ABHD12: variants seen among roughly 807,000 people sequenced by gnomAD.
ABHD12 encodes the protein lysophosphatidylserine lipase ABHD12.
A neutral mutation model predicts 58.3 loss-of-function variants in ABHD12; 43 were observed. The ratio of observed to expected loss-of-function variants is 0.74; its 90% CI spans 0.58 to 0.95. The LOEUF is 0.95. ABHD12 is among the 40% of genes least tolerant of loss of function. The probability of loss-of-function intolerance (pLI) is 0.00; values close to 1 mark genes in which losing one functional copy is unlikely to be tolerated. For missense variants in ABHD12, 539 were observed against 537.2 expected, an observed-to-expected ratio of 1.00 and a Z score of -0.03; for synonymous variants, 219 against 211.2, an observed-to-expected ratio of 1.04 and a Z score of -0.32.
intron 2 of ABHD12, among the ~76,000 whole-genome samples, chr20:25,325,135 G>A (rs1440157986): frequency 6.6e-6 from 1 of 150,420 alleles, no homozygotes; most frequent in Non-Finnish European, 1.5e-5. Context: ...GAGCCCAGGA[G>A]GTCAAGGCTG....
At chr20:25,330,937 A>G (rs1302530926) in intron 2 of ABHD12, among the ~76,000 whole-genome samples, 1 of 152,246 alleles carries the variant, frequency 6.6e-6, no homozygotes, top group Non-Finnish European at 1.5e-5. Context: ...GCAGTTCCTC[A>G]CCAGCAACGG....
intron 1 of ABHD12, among the ~76,000 whole-genome samples, chr20:25,369,858 T>C (rs113517498): frequency 0.022 from 3,160 of 146,884 alleles, 103 homozygotes; most frequent in African/African-American, 0.075. Flanking sequence ...GGCGAGAGGA[T>C]TGCATAAGGC....
chr20:25,317,158 A>C, intron 4 of ABHD12, 80 bp from the exon 5 acceptor site: 4 of 934,458 alleles, frequency 4.3e-6, no homozygotes, highest in Non-Finnish European at 7.0e-6. Context: ...CATACCCCAA[A>C]CCAGGGGGAG....
downstream of ABHD12, chr20:25,295,808 G>T (rs1228589164): frequency 1.0e-6 from 1 of 971,126 alleles, no homozygotes; most frequent in South Asian, 1.4e-5. Flanking sequence ...TCTGTCATCA[G>T]TCGGCTGTGC....
rs1263220088 is a variant in ABHD12, at chr20:25,390,524, C to G, written c.180G>C (p.Arg60=). The G allele has an allele frequency of 6.8e-7, 1 of 1,466,478 alleles. No individual in the cohort carries two copies. Among genetic ancestry groups the G allele is most frequent in the South Asian group, 1.3e-5 (1 of 78,078 alleles). 90.8% of individuals were successfully genotyped at this position (1,466,478 alleles called of 1,614,324 possible). The change falls in exon 1 of 13, where the codon CGG becomes CGC. Residue 60 remains arginine, a synonymous_variant. Coordinates refer to ENST00000339157, the MANE Select transcript of ABHD12 (RefSeq NM_001042472.3). ...PRCAADAGMK[R]ALGRRKGVWL... is the part of the protein sequence containing the mutation. The stretch of plus-strand genomic sequence containing the variant: ...GCGCGAAGCCTCACCTGCCCAGCGC[C>G]CGCTTCATTCCCGCGTCGGCTGCGC...
At chr20:25,314,449 A>C (rs1248710009) in intron 6 of ABHD12, among the ~76,000 whole-genome samples, 1 of 152,028 alleles carries the variant, frequency 6.6e-6, no homozygotes, top group Non-Finnish European at 1.5e-5. Flanking sequence ...AGGCTGAGGC[A>C]GGAGGATCGC....
intron 1 of ABHD12, among the ~76,000 whole-genome samples, chr20:25,359,724 C>CA: frequency 6.6e-6 from 1 of 152,048 alleles, no homozygotes; most frequent in East Asian, 2.0e-4. Context: ...CATGTACCAC[C>CA]ATGCCTGCTG....
chr20:25,325,205 A>T (rs1241722359), intron 2 of ABHD12, among the ~76,000 whole-genome samples: 3 of 9,328 alleles, frequency 3.2e-4, no homozygotes, highest in African/African-American at 9.7e-4. Context: ...CCCTGTTTCA[A>T]AAAAAAAAAA....
intron 1 of ABHD12, among the ~76,000 whole-genome samples, chr20:25,366,283 T>C (rs948266085): frequency 2.7e-5 from 4 of 150,282 alleles, no homozygotes; most frequent in African/African-American, 9.8e-5. Context: ...TTTCTTTTCT[T>C]TTTTTTTTTA....
chr20:25,338,436 G>C (rs1233640568), intron 2 of ABHD12, among the ~76,000 whole-genome samples: 1 of 152,142 alleles, frequency 6.6e-6, no homozygotes, highest in African/African-American at 2.4e-5. Context: ...TGCGAGCCCC[G>C]TTGTTCTCAA....
Position 25,350,990 on chromosome 20 carries a change from CA to C in ABHD12, c.192-11640del, listed in dbSNP as rs1161021306. ...ACACACACACACACACACACACACA[CA>C]CACACACACACACACACACCCTTAT... On this transcript the variant is annotated intron_variant, in intron 1 of 12. Coordinates refer to ENST00000339157, the MANE Select transcript of ABHD12 (RefSeq NM_001042472.3). 5.6e-4 allele frequency among the ~76,000 whole-genome samples: 83 copies of C among 147,642 alleles called. 1 individual carries two copies. Among genetic ancestry groups the C allele is most frequent in the Middle Eastern group, 6.8e-3 (2 of 292 alleles).
In ABHD12 at chr20:25,390,725, C is replaced by A. The variant is rs1329980952; in HGVS notation, c.-22G>T. Reference sequence around the variant, plus strand: ...TCATCCCGCGGCCGACAGGGCCAGCCGCCGACGGCGCCCGCTGGCCTGCGC... The same window carrying A: ...TCATCCCGCGGCCGACAGGGCCAGCAGCCGACGGCGCCCGCTGGCCTGCGC... On this transcript the variant is annotated 5_prime_UTR_variant, in exon 1 of 13. Coordinates refer to ENST00000339157, the MANE Select transcript of ABHD12 (RefSeq NM_001042472.3). The A allele has an allele frequency of 7.7e-7, 1 of 1,297,770 alleles. No individual in the cohort carries two copies. The highest frequency in any genetic ancestry group is 1.9e-5 in the South Asian group (1 of 52,512). The allele number at this position is 1,297,770 out of a possible 1,614,324, so 80.4% of individuals were successfully genotyped here.
At chr20:25,344,212 T>C (rs1447539267) in intron 1 of ABHD12, among the ~76,000 whole-genome samples, 4 of 152,252 alleles carry the variant, frequency 2.6e-5, no homozygotes, top group Admixed American at 2.6e-4. Context: ...AAAGCAAGAT[T>C]ACACAATAAG....
intron 2 of ABHD12, chr20:25,338,906 T>C (rs1415980033): frequency 4.3e-6 from 5 of 1,166,720 alleles, no homozygotes; most frequent in Admixed American, 4.2e-5. Flanking sequence ...ACAGATACGC[T>C]GGTCCCCCAG....
chr20:25,387,800 T>C (rs1340133820), intron 1 of ABHD12, among the ~76,000 whole-genome samples: 3 of 151,212 alleles, frequency 2.0e-5, no homozygotes, highest in African/African-American at 7.3e-5. Context: ...CCCAGCAATT[T>C]GGGAGGCCGA....
intron 2 of ABHD12, among the ~76,000 whole-genome samples, chr20:25,334,619 G>A (rs1269458092): frequency 6.6e-6 from 1 of 151,734 alleles, no homozygotes. Flanking sequence ...ATAGATCAAT[G>A]GAACAGAACA....
chr20:25,314,808 G>T, intron 6 of ABHD12, 117 bp downstream of exon 6: 2 of 1,158,678 alleles, frequency 1.7e-6, no homozygotes, highest in Non-Finnish European at 2.6e-6. Context: ...CACCATCACA[G>T]CACAGGCAAA....
intron 1 of ABHD12, chr20:25,368,359 A>G: frequency 6.4e-7 from 1 of 1,560,356 alleles, no homozygotes; most frequent in Non-Finnish European, 8.8e-7. Flanking sequence ...CCTCCACAAT[A>G]TTCTTGCCTT....
chr20:25,370,444 G>A (rs1027131442), intron 1 of ABHD12, among the ~76,000 whole-genome samples: 24 of 152,196 alleles, frequency 1.6e-4, no homozygotes, highest in African/African-American at 2.4e-4. Flanking sequence ...AGGCACAGCC[G>A]CAGAGTCACC....
Sources: allele counts gnomAD v4.1 joint callset (sites outside exome capture counted in the v4.1 genomes callset), GRCh38; gene constraint gnomAD v4.1.1; transcripts MANE v1.5; gene names NCBI Gene and HGNC (gene_info 2026-07-23, HGNC 2026-07-21).